The following ABCA3 variants were observed in gnomAD, a reference collection of about 807,000 sequenced individuals.
ABCA3 encodes the protein ATP binding cassette subfamily A member 3.
A neutral mutation model predicts 172.8 loss-of-function variants in ABCA3; 88 were observed. The observed-to-expected ratio is 0.51, with a 90% confidence interval of 0.43 to 0.61. The LOEUF (loss-of-function observed/expected upper bound fraction) is 0.61, where lower values mean the gene tolerates loss of function less well. Ranked by LOEUF, ABCA3 falls within the 20% of genes least tolerant of loss-of-function variation. The pLI is 0.00. For synonymous variants in ABCA3, 1,066 were observed against 983.8 expected, an observed-to-expected ratio of 1.08 and a Z score of -1.56; for missense variants, 2,164 against 2,301.0, an observed-to-expected ratio of 0.94 and a Z score of 1.22.
rs780581868 is a variant in ABCA3, at chr16:2,277,702, C to T, written c.4910-32G>A. ...AAAGGAGAGACGGTGTTGCTGTGAG[C>T]GCCGGGCTGGAGGATCGGGGAGGGT... On this transcript the variant is annotated intron_variant, in intron 31 of 32. Transcript: ENST00000301732. The surrounding 1 kb of genome is among the most constrained non-coding windows in gnomAD (Gnocchi z 5.3). 329 of 1,612,166 alleles carry T rather than the reference C, an allele frequency of 2.0e-4. No homozygotes were observed. The highest frequency in any genetic ancestry group is 2.7e-4 in the Non-Finnish European group (322 of 1,179,570).
intron 10 of ABCA3, among the ~76,000 whole-genome samples, chr16:2,313,252 T>C (rs746184563): frequency 8.6e-5 from 13 of 151,944 alleles, no homozygotes; most frequent in Non-Finnish European, 1.3e-4. Flanking sequence ...AGCATCTGGG[T>C]GTCACTATAA....
Position 2,278,134 on chromosome 16 carries a change from A to G in ABCA3, c.4719-65T>C. The G allele has an allele frequency of 6.2e-7, 1 of 1,606,858 alleles. No homozygotes were observed. The stretch of plus-strand genomic sequence containing the variant: ...CAAAGGCTTGTGCAGACAGGAAGGC[A>G]TTGGCTCTCCGATCAGGCTGTTCCT... On this transcript the variant is annotated intron_variant, in intron 30 of 32. Transcript: ENST00000301732. The surrounding 1 kb of genome is among the most constrained non-coding windows in gnomAD (Gnocchi z 4.4).
rs758282039 is a variant in ABCA3 at position 2,317,671 on chromosome 16, T to G, written c.967A>C (p.Met323Leu). ...ACCTTGACACAGAAGAGCAGGGTCA[T>G]GAAGGAGGCGGCGATGAGGAGGAAG... ...FLFLLIAASF[M>L]TLLFCVKVKP... Residue 323 changes from methionine (M) to leucine (L), a missense_variant, in exon 9 of 33, where the codon ATG (methionine) becomes CTG (leucine). Transcript: ENST00000301732. The G allele has an allele frequency of 6.2e-7, 1 of 1,614,132 alleles. No individual in the cohort carries two copies. The highest frequency in any genetic ancestry group is 1.1e-5 in the South Asian group (1 of 91,084).
Position 2,326,206 on chromosome 16 carries a change from C to T in ABCA3, c.123G>A (p.Trp41Ter). Reference sequence around the variant, plus strand: ...TTTCCGACTGAATCTTCAAGCGGAGCCAGATGAGGATCCCAGAAAACAGCA... The same window carrying T: ...TTTCCGACTGAATCTTCAAGCGGAGTCAGATGAGGATCCCAGAAAACAGCA... ...LPLLFSGILIWLRLKIQSENV... is the reference protein window; with the variant it reads ...LPLLFSGILI Residue 41 changes from tryptophan to a stop codon, truncating the protein, a stop_gained, in exon 5 of 33, where the codon TGG (tryptophan) becomes TGA (stop). Transcript: ENST00000301732. LOFTEE classifies it high-confidence loss of function. 6.2e-7 allele frequency: 1 copy of T among 1,614,072 alleles called. No individual in the cohort carries two copies. The highest frequency in any genetic ancestry group is 8.5e-7 in the Non-Finnish European group (1 of 1,180,038).
chr16:2,317,578 C>G, intron 9 of ABCA3, 70 bp downstream of exon 9: 1 of 1,595,596 alleles, frequency 6.3e-7, no homozygotes, highest in South Asian at 1.1e-5. Context: ...AAAGTTCTTC[C>G]CAAGAGGGCC....
chr16:2,285,348 G>T lies in ABCA3; in HGVS notation c.3483+94C>A. ...GAGTCGGGCCGAGCTGCCGGCCTAG[G>T]GGCTGCCCAGCTGGTTCCGGTTCTG... On this transcript the variant is annotated intron_variant, in intron 23 of 32. Transcript: ENST00000301732. The surrounding 1 kb of genome is among the most constrained non-coding windows in gnomAD (Gnocchi z 4.7). 1 of 1,466,520 alleles carries T rather than the reference G, an allele frequency of 6.8e-7. No individual in the cohort carries two copies. The highest frequency in any genetic ancestry group is 9.3e-7 in the Non-Finnish European group (1 of 1,077,956). 90.8% of individuals were successfully genotyped at this position (1,466,520 alleles called of 1,614,324 possible). A position where few individuals can be genotyped will look rare whatever the true frequency, so the allele number is the denominator to read the frequency against.
chr16:2,305,257 C>T (rs538573486), intron 11 of ABCA3, among the ~76,000 whole-genome samples: 2 of 152,100 alleles, frequency 1.3e-5, no homozygotes, highest in African/African-American at 2.4e-5. Flanking sequence ...CCTCAGCCTT[C>T]GGAGTAGCTG....
intron 6 of ABCA3, 76 bp from the exon 7 acceptor site, chr16:2,323,764 G>T: frequency 6.4e-7 from 1 of 1,552,406 alleles, no homozygotes; most frequent in Non-Finnish European, 8.9e-7. Context: ...GAGTGGGAGA[G>T]CGCTTGGGGG....
At position 2,308,438 on chromosome 16, in the gene ABCA3, GCAAA is replaced by G. The variant is rs1268403060; in HGVS notation, c.1285+8_1285+11del. On this transcript the variant is annotated splice_region_variant and intron_variant, in intron 11 of 32. Coordinates refer to ENST00000301732, the MANE Select transcript of ABCA3 (RefSeq NM_001089.3). ...ATTCGGAAAGAACAGGCTGGACAAG[GCAAA>G]CACTCACCTTTCGCCTCAAATTTCC... 1 of 1,614,012 alleles carries G rather than the reference GCAAA, an allele frequency of 6.2e-7. No homozygotes were observed. The highest frequency in any genetic ancestry group is 8.5e-7 in the Non-Finnish European group (1 of 1,179,918).
rs895000977 is a variant in ABCA3 at position 2,297,791 on chromosome 16, C to G, written c.2027G>C (p.Gly676Ala). 1.2e-6 allele frequency: 2 copies of G among 1,612,908 alleles called. No homozygotes were observed. Among genetic ancestry groups the G allele is most frequent in the Admixed American group, 1.7e-5 (1 of 60,008 alleles). ...CTTGGAGCCTGCGATGAGGGCGATG[C>G]CGATGGAGAGCTTGCGCCTCATGCC... ...SGGMRRKLSI[G>A]IALIAGSKVL... Residue 676 changes from glycine (G) to alanine (A), a missense_variant, in exon 16 of 33, where the codon GGC becomes GCC. Physicochemically the swap from Gly to Ala is moderately conservative, Grantham distance 60. This residue lies in a region of ABCA3 where 1,343 missense variants were observed against 1,369.6 expected (regional missense o/e 0.98). Transcript: ENST00000301732. This position sits in a 1 kb window ranked among gnomAD's most constrained non-coding sequence, Gnocchi z 5.6.
intron 12 of ABCA3, among the ~76,000 whole-genome samples, chr16:2,302,264 G>A (rs145876660): frequency 1.1e-4 from 16 of 152,174 alleles, no homozygotes; most frequent in East Asian, 5.8e-4. Flanking sequence ...CTCTAGTGCC[G>A]CTGGGTTAAG....
At chr16:2,309,047 G>T (rs1384990383) in intron 10 of ABCA3, among the ~76,000 whole-genome samples, 1 of 152,024 alleles carries the variant, frequency 6.6e-6, no homozygotes, top group South Asian at 2.1e-4. Context: ...CTGGGTTCAC[G>T]CCATTCTCCT....
chr16:2,333,886 CA>C (rs749221892), intron 1 of ABCA3, among the ~76,000 whole-genome samples: 7 of 151,952 alleles, frequency 4.6e-5, no homozygotes, highest in Non-Finnish European at 8.8e-5. Flanking sequence ...GACAGGGTTT[CA>C]CCATGCTGGC....
chr16:2,314,786 G>T (rs2093712245), intron 10 of ABCA3, among the ~76,000 whole-genome samples: 1 of 151,854 alleles, frequency 6.6e-6, no homozygotes, highest in African/African-American at 2.4e-5. Flanking sequence ...ATGTTAGTCA[G>T]GCTGGTTTCG....
rs777875956 is a variant in ABCA3 at position 2,286,926 on chromosome 16, C to A, written c.3046G>T (p.Gly1016Trp). Reference sequence around the variant, plus strand: ...AGGCACCGCTCATTAAAGCCGCCCCCCTCCACAGAAGCCCTGAAGATCAAG... The same window carrying A: ...AGGCACCGCTCATTAAAGCCGCCCCACTCCACAGAAGCCCTGAAGATCAAG... ...EFLIFRASVE[G>W]GGFNERCLVA... The change falls in exon 22 of 33, where the codon GGG (glycine) becomes TGG (tryptophan). Residue 1016 changes from glycine to tryptophan, a missense_variant. By Grantham distance (184) the Gly-to-Trp change is radical. Around this residue, in one of 3 missense-constraint regions of ABCA3, gnomAD observed 1,343 missense variants for 1,369.6 expected, o/e 0.98. Coordinates refer to ENST00000301732, the MANE Select transcript of ABCA3 (RefSeq NM_001089.3). The surrounding 1 kb of genome is among the most constrained non-coding windows in gnomAD (Gnocchi z 5.2). 13 of 1,613,820 alleles carry A rather than the reference C, an allele frequency of 8.1e-6. No individual in the cohort carries two copies. In the South Asian group the frequency reaches 1.1e-4, roughly 14 times the overall value.
intron 10 of ABCA3, among the ~76,000 whole-genome samples, chr16:2,315,839 C>CTTTTTTTTTTT (rs536716259): frequency 9.5e-5 from 10 of 104,848 alleles, no homozygotes; most frequent in Non-Finnish European, 1.3e-4. Context: ...AATTTTTAAA[C>CTTTTTTTTTTT]TTTTTTTTTT....
intron 10 of ABCA3, among the ~76,000 whole-genome samples, chr16:2,310,158 C>T (rs1412181923): frequency 6.6e-6 from 1 of 152,102 alleles, no homozygotes. Flanking sequence ...GTAATCCCAG[C>T]ACTTTGGGAG....
rs1458844867 is a variant in ABCA3, at chr16:2,284,796, G to A, written c.3686C>T (p.Thr1229Ile). 1.9e-6 allele frequency: 3 copies of A among 1,613,804 alleles called. No individual in the cohort carries two copies. The highest frequency in any genetic ancestry group is 2.2e-5 in the South Asian group (2 of 91,088). Reference protein sequence around the residue: ...LSGIATFLMVTIMRIPAVKLE... With the variant: ...LSGIATFLMVIIMRIPAVKLE... ...GTGCCCACCTGGGATGCGCATGATG[G>A]TGACCATCAGGAAGGTGGCGATGCC... The change falls in exon 24 of 33, where the codon ACC becomes ATC. Residue 1229 changes from threonine to isoleucine, a missense_variant. By Grantham distance (89) the Thr-to-Ile change is moderately conservative. Around this residue, in one of 3 missense-constraint regions of ABCA3, gnomAD observed 795 missense variants for 881.9 expected, o/e 0.90. Coordinates refer to ENST00000301732, the MANE Select transcript of ABCA3 (RefSeq NM_001089.3). The surrounding 1 kb of genome is among the most constrained non-coding windows in gnomAD (Gnocchi z 5.9).
In ABCA3 at chr16:2,279,879, T is replaced by C. The variant is rs887972384; in HGVS notation, c.4360-749A>G. ...CTCATGCCTCAGGCTCCCGAGTAGC[T>C]AGGATTATAGGCACCTGCCACCATG... On this transcript the variant is annotated intron_variant, in intron 28 of 32. Coordinates refer to ENST00000301732, the MANE Select transcript of ABCA3 (RefSeq NM_001089.3). This position sits in a 1 kb window ranked among gnomAD's most constrained non-coding sequence, Gnocchi z 4.4. 1.1e-4 allele frequency among the ~76,000 whole-genome samples: 16 copies of C among 152,082 alleles called. No individual in the cohort carries two copies. The highest frequency in any genetic ancestry group is 3.9e-4 in the African/African-American group (16 of 41,410).
Sources: gnomAD v4.1 joint callset for allele counts (sites outside exome capture counted in the v4.1 genomes callset) on GRCh38, gnomAD v4.1.1 for gene constraint, gnomAD v4.1.1 regional missense constraint, Gnocchi (gnomAD v3.1) non-coding constraint, MANE v1.5 for transcripts, NCBI Gene and HGNC (gene_info 2026-07-23, HGNC 2026-07-21) for gene names.